The following CEP128 variants were observed in gnomAD, a reference collection of about 807,000 sequenced individuals.
The protein encoded by CEP128 is centrosomal protein 128kDa.
CEP128 carries 132 observed loss-of-function variants against 156.7 expected under a neutral mutation model. That is an observed-to-expected ratio of 0.84 (90% CI 0.73 to 0.97). The LOEUF is 0.97. Ranked by LOEUF, CEP128 falls within the 50% of genes least tolerant of loss-of-function variation. The probability of loss-of-function intolerance (pLI) is 0.00; values close to 1 mark genes in which losing one functional copy is unlikely to be tolerated. For missense variants in CEP128, 1,252 were observed against 1,281.9 expected (o/e 0.98, Z 0.36); for synonymous variants, 469 against 448.9 (o/e 1.04, Z -0.57).
At chr14:80,671,882 G>A (rs1382119426) in intron 19 of CEP128, among the ~76,000 whole-genome samples, 1 of 107,982 alleles carries the variant, frequency 9.3e-6, no homozygotes, top group Non-Finnish European at 1.9e-5. Flanking sequence ...GGGGTGGGGG[G>A]TAGTGGGGAA....
intron 2 of CEP128, among the ~76,000 whole-genome samples, chr14:80,934,393 AC>A (rs1436606147): frequency 1.3e-5 from 2 of 152,254 alleles, no homozygotes; most frequent in Non-Finnish European, 1.5e-5. Context: ...GTAGAAACAT[AC>A]TGGATTTAAC....
chr14:80,680,511 T>C (rs1043601423), intron 19 of CEP128, among the ~76,000 whole-genome samples: 9 of 152,108 alleles, frequency 5.9e-5, no homozygotes, highest in African/African-American at 2.2e-4. Context: ...TATTGTAGTA[T>C]ATGAAGACCC....
At chr14:80,867,917 A>T (rs1887845100) in intron 8 of CEP128, among the ~76,000 whole-genome samples, 1 of 152,234 alleles carries the variant, frequency 6.6e-6, no homozygotes, top group Non-Finnish European at 1.5e-5. Context: ...ACAATAATCA[A>T]ATTCTCAAAA....
chr14:80,639,478 G>A (rs1463342271), intron 19 of CEP128, among the ~76,000 whole-genome samples: 1 of 152,122 alleles, frequency 6.6e-6, no homozygotes, highest in Admixed American at 6.5e-5. Flanking sequence ...CCAGCAATGT[G>A]TGCCTGAAGT....
At chr14:80,644,220 G>A (rs920595714) in intron 19 of CEP128, among the ~76,000 whole-genome samples, 2 of 152,212 alleles carry the variant, frequency 1.3e-5, no homozygotes, top group African/African-American at 4.8e-5. Context: ...CTCCAGAACT[G>A]TGAGAGAATA....
At chr14:80,510,139 T>A (rs912279366) in intron 23 of CEP128, among the ~76,000 whole-genome samples, 1 of 152,148 alleles carries the variant, frequency 6.6e-6, no homozygotes, top group African/African-American at 2.4e-5. Context: ...TTTGGATAGT[T>A]TTTTCTATTT....
intron 13 of CEP128, among the ~76,000 whole-genome samples, chr14:80,815,935 T>C (rs935837753): frequency 6.6e-6 from 1 of 152,080 alleles, no homozygotes; most frequent in Middle Eastern, 3.2e-3. Flanking sequence ...CGTGGAATAA[T>C]AGATACTGGA....
At chr14:80,834,803 T>G (rs1885988654) in intron 12 of CEP128, among the ~76,000 whole-genome samples, 1 of 152,210 alleles carries the variant, frequency 6.6e-6, no homozygotes, top group Non-Finnish European at 1.5e-5. Flanking sequence ...AGTGATATTC[T>G]GGGTCAAATG....
chr14:80,847,830 T>C (rs540120933), intron 9 of CEP128, among the ~76,000 whole-genome samples: 3 of 152,208 alleles, frequency 2.0e-5, no homozygotes, highest in Non-Finnish European at 4.4e-5. Context: ...AAAGGTGAGA[T>C]AGTATTTTAG....
chr14:80,835,970 C>A (rs1456509908), intron 12 of CEP128, among the ~76,000 whole-genome samples: 1 of 152,050 alleles, frequency 6.6e-6, no homozygotes, highest in Non-Finnish European at 1.5e-5. Flanking sequence ...AAGAGAAAGC[C>A]CCATGGTTAA....
At chr14:80,596,148 T>C (rs554122146) in intron 19 of CEP128, among the ~76,000 whole-genome samples, 2 of 151,314 alleles carry the variant, frequency 1.3e-5, no homozygotes, top group South Asian at 4.2e-4. Context: ...GTAATTATAT[T>C]ACATAAAAAT....
intron 9 of CEP128, among the ~76,000 whole-genome samples, chr14:80,841,331 C>CT (rs1886340245): frequency 6.6e-6 from 1 of 152,028 alleles, no homozygotes; most frequent in Non-Finnish European, 1.5e-5. Context: ...CTGCCAGAAG[C>CT]TTTTTCCAAC....
At chr14:80,813,861 T>A (rs1235798828) in intron 13 of CEP128, among the ~76,000 whole-genome samples, 1 of 152,208 alleles carries the variant, frequency 6.6e-6, no homozygotes, top group Non-Finnish European at 1.5e-5. Flanking sequence ...TTGTTCTTTG[T>A]TTCTCCTTGA....
chr14:80,599,465 C>T lies in CEP128; in HGVS notation c.2807-19042G>A, dbSNP rs980683154. ...TTTTTTTTGTATTTTTTAGTAGAGA[C>T]GGGGTTTCACCATGTTAGCCAGGAT... On this transcript the variant is annotated intron_variant, in intron 19 of 24. Transcript: ENST00000555265. Among the ~76,000 whole-genome samples the T allele has an allele frequency of 1.7e-4, 25 of 151,438 alleles. No homozygotes were observed. In the Middle Eastern group the frequency reaches 0.01, roughly 62 times the overall value.
chr14:80,822,517 C>T (rs999699566), intron 13 of CEP128: 33 of 637,340 alleles, frequency 5.2e-5, no homozygotes, highest in East Asian at 4.1e-4. Flanking sequence ...TACATCCTGC[C>T]GCCACCATGC....
intron 19 of CEP128, among the ~76,000 whole-genome samples, chr14:80,602,309 T>C (rs57574075): frequency 0.028 from 4,272 of 152,176 alleles, 211 homozygotes; most frequent in African/African-American, 0.097. Flanking sequence ...AATAAACATT[T>C]GAAGAAAGAT....
intron 20 of CEP128, among the ~76,000 whole-genome samples, chr14:80,573,865 C>A (rs970629846): frequency 6.6e-6 from 1 of 152,156 alleles, no homozygotes; most frequent in African/African-American, 2.4e-5. Context: ...GGCAAAGGGT[C>A]GCCCAACCTT....
intron 9 of CEP128, among the ~76,000 whole-genome samples, chr14:80,854,823 T>C (rs918838893): frequency 6.6e-6 from 1 of 152,164 alleles, no homozygotes; most frequent in Non-Finnish European, 1.5e-5. Context: ...AACAAATATT[T>C]AGTAAGTATT....
intron 19 of CEP128, among the ~76,000 whole-genome samples, chr14:80,621,578 AATAT>A (rs1035635766): frequency 1.4e-4 from 21 of 152,212 alleles, no homozygotes; most frequent in Non-Finnish European, 2.2e-4. Context: ...GGGCTACAGT[AATAT>A]ACTAACCAGC....
Sources: allele counts gnomAD v4.1 joint callset (sites outside exome capture counted in the v4.1 genomes callset), GRCh38; gene constraint gnomAD v4.1.1; transcripts MANE v1.5; gene names NCBI Gene and HGNC (gene_info 2026-07-23, HGNC 2026-07-21).